The following FAM185A variants were observed in gnomAD, a reference collection of about 807,000 sequenced individuals.
FAM185A encodes family with sequence similarity 185 member A.
FAM185A carries 21 observed loss-of-function variants against 45.7 expected under a neutral mutation model. The ratio of observed to expected loss-of-function variants is 0.46; its 90% CI spans 0.33 to 0.66. The LOEUF is 0.66. Ranked by LOEUF, FAM185A falls within the 30% of genes least tolerant of loss-of-function variation. FAM185A has a pLI of 0.03. For synonymous variants in FAM185A, 117 were observed against 194.0 expected, an observed-to-expected ratio of 0.60 and a Z score of 3.30; for missense variants, 305 against 485.4, an observed-to-expected ratio of 0.63 and a Z score of 3.49.
At chr7:102,837,763 G>C in the FAM185A span, among the ~76,000 whole-genome samples, 2 of 152,014 alleles carry the variant, frequency 1.3e-5, no homozygotes, top group Non-Finnish European at 2.9e-5. Flanking sequence ...GGCTGATCTC[G>C]AACTCCTGGC....
chr7:102,783,324 C>T (rs1267526494), intron 6 of FAM185A, among the ~76,000 whole-genome samples: 2 of 152,136 alleles, frequency 1.3e-5, no homozygotes, highest in African/African-American at 2.4e-5. Context: ...CAGAACTCTC[C>T]ACCCCAAATC....
At chr7:102,793,552 A>G (rs1488442801) in intron 7 of FAM185A, among the ~76,000 whole-genome samples, 2 of 151,890 alleles carry the variant, frequency 1.3e-5, no homozygotes, top group African/African-American at 2.4e-5. Flanking sequence ...GTTAAAGAAT[A>G]AGATCTTGAG....
intron 6 of FAM185A, among the ~76,000 whole-genome samples, chr7:102,784,782 A>C (rs1795668021): frequency 6.6e-6 from 1 of 152,226 alleles, no homozygotes; most frequent in Admixed American, 6.5e-5. Flanking sequence ...CAAGACAGGG[A>C]TGCCCTCTCT....
chr7:102,837,496 G>T, the FAM185A span, among the ~76,000 whole-genome samples: 1 of 152,180 alleles, frequency 6.6e-6, no homozygotes, highest in Non-Finnish European at 1.5e-5. Context: ...GCTCAAATGT[G>T]GTTTATTCTA....
the FAM185A span, among the ~76,000 whole-genome samples, chr7:102,817,193 A>C: frequency 1.3e-5 from 2 of 152,304 alleles, no homozygotes; most frequent in East Asian, 3.9e-4. Flanking sequence ...ACTGCTTTCT[A>C]TTTTGGCTGA....
chr7:102,830,675 C>T, the FAM185A span, among the ~76,000 whole-genome samples: 17 of 152,288 alleles, frequency 1.1e-4, no homozygotes, highest in Non-Finnish European at 1.6e-4. Flanking sequence ...ACCATACAAA[C>T]CAAACAACAT....
At chr7:102,802,946 A>C (rs935513070) in intron 7 of FAM185A, among the ~76,000 whole-genome samples, 1 of 152,122 alleles carries the variant, frequency 6.6e-6, no homozygotes, top group African/African-American at 2.4e-5. Context: ...GAGATGGATA[A>C]ATTCCTGGAA....
intron 7 of FAM185A, among the ~76,000 whole-genome samples, chr7:102,799,159 A>G (rs1333337155): frequency 1.3e-5 from 2 of 152,220 alleles, no homozygotes; most frequent in East Asian, 3.8e-4. Context: ...ACAGAAAAAG[A>G]ACAGTTTAAA....
the FAM185A span, among the ~76,000 whole-genome samples, chr7:102,817,025 T>G: frequency 6.6e-6 from 1 of 152,356 alleles, no homozygotes; most frequent in African/African-American, 2.4e-5. Flanking sequence ...GCACTTAGGT[T>G]GATCCCATGA....
At chr7:102,835,756 C>G in the FAM185A span, among the ~76,000 whole-genome samples, 6,581 of 146,656 alleles carry the variant, frequency 0.045, 227 homozygotes, top group East Asian at 0.12. Flanking sequence ...ACTACAGGCG[C>G]CCGCCACTAC....
At chr7:102,761,939 A>G (rs3959190) in intron 4 of FAM185A, among the ~76,000 whole-genome samples, 12,982 of 152,266 alleles carry the variant, frequency 0.085, 797 homozygotes, top group East Asian at 0.2. Context: ...CTAGGATTAC[A>G]GGTGTGAGCC....
the FAM185A span, among the ~76,000 whole-genome samples, chr7:102,824,730 C>T: frequency 6.6e-6 from 1 of 151,880 alleles, no homozygotes; most frequent in Non-Finnish European, 1.5e-5. Context: ...AAGTGATCCG[C>T]TCACCTTGGC....
chr7:102,831,429 A>ACCCCC, the FAM185A span, among the ~76,000 whole-genome samples: 2 of 148,662 alleles, frequency 1.3e-5, no homozygotes, highest in African/African-American at 5.0e-5. Flanking sequence ...ACACACACAC[A>ACCCCC]CACCCCACTA....
the FAM185A span, among the ~76,000 whole-genome samples, chr7:102,841,444 C>T: frequency 0.16 from 24,498 of 152,172 alleles, 2,047 homozygotes; most frequent in Middle Eastern, 0.26. Context: ...AGCAGTGCTT[C>T]AGTTGTCTGA....
intron 5 of FAM185A, among the ~76,000 whole-genome samples, chr7:102,772,942 C>T (rs1309883724): frequency 6.6e-6 from 1 of 151,992 alleles, no homozygotes; most frequent in Admixed American, 6.6e-5. Flanking sequence ...GAGACCTCAC[C>T]TTCTCTGAGC....
rs1436347925 is a variant in FAM185A, at chr7:102,808,444, C to A, written c.*42C>A. ...ATTTATGATTTTTAACAATGATTCG[C>A]AGATCTGTGACTACAAAAATGTAAA... On this transcript the variant is annotated 3_prime_UTR_variant, in exon 8 of 8. Transcript: ENST00000413034. 10 of 1,186,932 alleles carry A rather than the reference C, an allele frequency of 8.4e-6. No homozygotes were observed. The African/African-American group carries it at 1.4e-4, about 16-fold the overall frequency. 73.5% of individuals were successfully genotyped at this position (1,186,932 alleles called of 1,614,324 possible). A position where few individuals can be genotyped will look rare whatever the true frequency, so the allele number is the denominator to read the frequency against.
At chr7:102,817,608 G>GT in the FAM185A span, among the ~76,000 whole-genome samples, 1 of 151,872 alleles carries the variant, frequency 6.6e-6, no homozygotes, top group Non-Finnish European at 1.5e-5. Context: ...ATTTTGAATC[G>GT]TATCAGGAAA....
At chr7:102,796,568 T>C (rs1796448681) in intron 7 of FAM185A, among the ~76,000 whole-genome samples, 1 of 152,234 alleles carries the variant, frequency 6.6e-6, no homozygotes, top group African/African-American at 2.4e-5. Flanking sequence ...CAAGGACAGC[T>C]TGGTGATTAG....
chr7:102,752,043 C>T (rs899406281), intron 2 of FAM185A, among the ~76,000 whole-genome samples: 2 of 151,772 alleles, frequency 1.3e-5, no homozygotes, highest in Non-Finnish European at 2.9e-5. Context: ...TACAGTGAAA[C>T]TAATAGTATT....
Sources: allele counts gnomAD v4.1 joint callset (sites outside exome capture counted in the v4.1 genomes callset), GRCh38; gene constraint gnomAD v4.1.1; transcripts MANE v1.5; gene names NCBI Gene and HGNC (gene_info 2026-07-23, HGNC 2026-07-21).